EVC2: variants seen among roughly 807,000 people sequenced by gnomAD.
EVC2 encodes the protein limbin.
Under a neutral mutation model 149.3 loss-of-function variants are expected in EVC2, and 148 were observed. That is an observed-to-expected ratio of 0.99 (90% confidence interval 0.87 to 1.14). The LOEUF (loss-of-function observed/expected upper bound fraction) is 1.14, where lower values mean the gene tolerates loss of function less well. EVC2 is among the 50% of genes most tolerant of loss of function. The pLI is 0.00. For synonymous variants in EVC2, 776 were observed against 649.9 expected, an observed-to-expected ratio of 1.19 and a Z score of -2.95; for missense variants, 1,854 against 1,627.3, an observed-to-expected ratio of 1.14 and a Z score of -2.40.
Position 5,694,338 on chromosome 4 carries a change from G to C in EVC2, c.447C>G (p.Arg149=). The C allele has an allele frequency of 6.2e-7, 1 of 1,613,842 alleles. No individual in the cohort carries two copies. Among genetic ancestry groups the C allele is most frequent in the Non-Finnish European group, 8.5e-7 (1 of 1,179,898 alleles). ...AAGCATTGAACTTAATACTTACCAG[G>C]CGGTGTGTTATAGGAGACTCTCTTT... The part of the protein sequence containing the change: ...LFKRESPITH[R]LYGDISREVQ... Residue 149 remains arginine (R), a synonymous_variant, in exon 3 of 22, where the codon CGC becomes CGG. Coordinates refer to ENST00000344408, the MANE Select transcript of EVC2 (RefSeq NM_147127.5).
At chr4:5,626,282 G>A (rs1210855930) in intron 12 of EVC2, among the ~76,000 whole-genome samples, 1 of 151,674 alleles carries the variant, frequency 6.6e-6, no homozygotes, top group Admixed American at 6.6e-5. Flanking sequence ...TCTGTGTGAT[G>A]GTTAATTTTA....
intron 9 of EVC2, among the ~76,000 whole-genome samples, chr4:5,656,011 G>A (rs1329689579): frequency 6.6e-6 from 1 of 152,180 alleles, no homozygotes; most frequent in Non-Finnish European, 1.5e-5. Flanking sequence ...GAGGGAAGTG[G>A]GGGAGGTAGG....
intron 9 of EVC2, among the ~76,000 whole-genome samples, chr4:5,651,456 A>G (rs374578115): frequency 1.3e-5 from 2 of 152,112 alleles, no homozygotes; most frequent in East Asian, 3.9e-4. Context: ...GTATGGGTGC[A>G]TGGGTAGGTG....
intron 19 of EVC2, among the ~76,000 whole-genome samples, chr4:5,570,779 T>C (rs1051859527): frequency 6.6e-6 from 1 of 151,964 alleles, no homozygotes; most frequent in Non-Finnish European, 1.5e-5. Flanking sequence ...ATAAAGAAAA[T>C]GTGGTATATA....
chr4:5,698,359 G>A (rs1721617626), intron 1 of EVC2, among the ~76,000 whole-genome samples: 1 of 152,072 alleles, frequency 6.6e-6, no homozygotes. Flanking sequence ...GATGAGGAGT[G>A]GAGAGAACTG....
At chr4:5,558,018 A>C (rs1181219065), downstream of EVC2, among the ~76,000 whole-genome samples, 9 of 152,306 alleles carry the variant, frequency 5.9e-5, no homozygotes, top group African/African-American at 2.2e-4. Flanking sequence ...GGTCTATAGA[A>C]TATCAATCAA....
chr4:5,674,272 T>C (rs1267705846), intron 7 of EVC2, among the ~76,000 whole-genome samples: 1 of 152,170 alleles, frequency 6.6e-6, no homozygotes, highest in Non-Finnish European at 1.5e-5. Context: ...GCTTTGCTAA[T>C]TTCCCAATCT....
chr4:5,622,164 A>AG lies in EVC2; in HGVS notation c.2501+372dup, dbSNP rs1303497308. Among the ~76,000 whole-genome samples, 2 of 151,902 alleles carry AG rather than the reference A, an allele frequency of 1.3e-5. No individual in the cohort carries two copies. The highest frequency in any genetic ancestry group is 4.8e-5 in the African/African-American group (2 of 41,376). Reference sequence around the variant, plus strand: ...CTCCTGTGGATCATGTCCCCTCCCCAGGGGACATTTCTTATTAGGGGAACC... The same window carrying AG: ...CTCCTGTGGATCATGTCCCCTCCCCAGGGGGACATTTCTTATTAGGGGAACC... On this transcript the variant is annotated intron_variant, in intron 14 of 21. Transcript: ENST00000344408. The surrounding 1 kb of genome is among the most constrained non-coding windows in gnomAD (Gnocchi z 5.8).
At position 5,562,928 on chromosome 4, in the gene EVC2, T is replaced by C. The variant is rs776386860; in HGVS notation, c.3847A>G (p.Ile1283Val). 6.2e-7 allele frequency: 1 copy of C among 1,614,146 alleles called. No homozygotes were observed. The highest frequency in any genetic ancestry group is 8.5e-7 in the Non-Finnish European group (1 of 1,180,028). The change falls in exon 22 of 22, where the codon ATC becomes GTC. Residue 1283 changes from isoleucine (I) to valine (V), a missense_variant. Ile to Val is a conservative substitution (Grantham distance 29). Transcript: ENST00000344408. This position sits in a 1 kb window ranked among gnomAD's most constrained non-coding sequence, Gnocchi z 4.3. ...FIFRNPKEPEISLHVPPRKKK... is the reference protein window; with the variant it reads ...FIFRNPKEPEVSLHVPPRKKK... ...TTCCTGGGAGGAACGTGCAGTGAGA[T>C]CTCTGGCTCCTTTGGATTTCTGAAT...
intron 17 of EVC2, among the ~76,000 whole-genome samples, chr4:5,577,726 C>G (rs868811699): frequency 4.6e-5 from 7 of 152,162 alleles, no homozygotes; most frequent in South Asian, 2.1e-4. Flanking sequence ...TCTATCCCCC[C>G]CAAGCATTTG....
In EVC2 at chr4:5,567,353, T is replaced by C. The variant is rs115894608; in HGVS notation, c.3557+1091A>G. Among the ~76,000 whole-genome samples the C allele has an allele frequency of 9.3e-3, 1,418 of 152,272 alleles. 21 individuals carry two copies. Among genetic ancestry groups the C allele is most frequent in the African/African-American group, 0.033 (1,361 of 41,548 alleles). On this transcript the variant is annotated intron_variant, in intron 20 of 21. Transcript: ENST00000344408. This position sits in a 1 kb window ranked among gnomAD's most constrained non-coding sequence, Gnocchi z 4.4. ...GCGCTTCTTGGATTTTGGGGTCAGA[T>C]ACTCTGATAAAAAGTATCTCTGATA...
chr4:5,634,060 C>G (rs1048472624), intron 10 of EVC2, among the ~76,000 whole-genome samples: 3 of 152,218 alleles, frequency 2.0e-5, no homozygotes, highest in Admixed American at 6.5e-5. Flanking sequence ...ACAGCAAAGC[C>G]TAGTGGATGA....
At chr4:5,529,881 A>G in the EVC2 span, among the ~76,000 whole-genome samples, 3 of 149,826 alleles carry the variant, frequency 2.0e-5, no homozygotes, top group Admixed American at 1.3e-4. The surrounding 1 kb of genome is among the most constrained non-coding windows in gnomAD (Gnocchi z 4.5). Flanking sequence ...CAGTGGTGCA[A>G]TCTCGGCTCA....
At chr4:5,621,396 T>G (rs1002927981) in intron 14 of EVC2, among the ~76,000 whole-genome samples, 2 of 152,244 alleles carry the variant, frequency 1.3e-5, no homozygotes, top group Non-Finnish European at 2.9e-5. Flanking sequence ...GTTTTTGTGG[T>G]CTTCATTTTA....
intron 1 of EVC2, among the ~76,000 whole-genome samples, chr4:5,701,125 C>A (rs570387371): frequency 6.6e-6 from 1 of 152,298 alleles, no homozygotes; most frequent in African/African-American, 2.4e-5. Flanking sequence ...AAGTTCATGG[C>A]CCCTTCCTCC....
chr4:5,688,814 A>G (rs1720901084), intron 5 of EVC2, among the ~76,000 whole-genome samples: 1 of 152,212 alleles, frequency 6.6e-6, no homozygotes, highest in Non-Finnish European at 1.5e-5. Context: ...TGGTGATCTG[A>G]GTGACAGGTA....
At chr4:5,688,420 C>T (rs529406988) in intron 5 of EVC2, among the ~76,000 whole-genome samples, 2 of 152,220 alleles carry the variant, frequency 1.3e-5, no homozygotes, top group Non-Finnish European at 2.9e-5. Context: ...CCTATGACCT[C>T]GGGCAAGCTT....
rs746147381 is a variant in EVC2 at position 5,628,572 on chromosome 4, G to T, written c.1873C>A (p.Gln625Lys). ...TAAAQLTHLI[Q>K]KHERAGYLDE... is the part of the protein sequence containing the mutation. ...GTTGAGTGGTACCTCTCGTGCTTCTGAATGAGGTGAGTCAGCTGGGCTGCA... is the reference window on the plus strand; with the variant it reads ...GTTGAGTGGTACCTCTCGTGCTTCTTAATGAGGTGAGTCAGCTGGGCTGCA... The change falls in exon 12 of 22, where the codon CAG (glutamine) becomes AAG (lysine). Residue 625 changes from glutamine (Q) to lysine (K), a missense_variant. Coordinates refer to ENST00000344408, the MANE Select transcript of EVC2 (RefSeq NM_147127.5). 1 of 1,614,116 alleles carries T rather than the reference G, an allele frequency of 6.2e-7. No homozygotes were observed. Among genetic ancestry groups the T allele is most frequent in the East Asian group, 2.2e-5 (1 of 44,876 alleles).
At chr4:5,650,419 CA>C (rs1156448243) in intron 9 of EVC2, among the ~76,000 whole-genome samples, 1 of 151,798 alleles carries the variant, frequency 6.6e-6, no homozygotes, top group Non-Finnish European at 1.5e-5. Context: ...GCTTGGAAGT[CA>C]CATTAACTTA....
Sources: allele counts gnomAD v4.1 joint callset (sites outside exome capture counted in the v4.1 genomes callset), GRCh38; gene constraint gnomAD v4.1.1; non-coding constraint Gnocchi (gnomAD v3.1); transcripts MANE v1.5; gene names NCBI Gene and HGNC (gene_info 2026-07-23, HGNC 2026-07-21).